PARD3B: variants seen among roughly 807,000 people sequenced by gnomAD.
PARD3B encodes the protein partitioning defective 3 homolog B.
In PARD3B, 103 loss-of-function variants were observed where a neutral mutation model predicts 130.2. The ratio of observed to expected loss-of-function variants is 0.79; its 90% CI spans 0.67 to 0.93. The LOEUF is 0.93. Among genes scored for constraint, PARD3B ranks in the 40% least tolerant of loss-of-function variants. The probability of loss-of-function intolerance (pLI) is 0.00; values close to 1 mark genes in which losing one functional copy is unlikely to be tolerated. For missense variants in PARD3B, 1,609 were observed against 1,499.2 expected (o/e 1.07, Z -1.21); for synonymous variants, 583 against 553.2 (o/e 1.05, Z -0.76).
Position 205,176,300 on chromosome 2 carries a change from C to A in PARD3B, c.1792-145C>A. ...TCAAAGATGTTTTCACTGATAGGGC[C>A]ATTTTGAGTTTCCACAGTTGAGGAC... is the stretch of plus-strand genomic sequence containing the variant. On this transcript the variant is annotated intron_variant, in intron 12 of 22. Transcript: ENST00000406610. This position sits in a 1 kb window ranked among gnomAD's most constrained non-coding sequence, Gnocchi z 5.3. 1.4e-6 allele frequency: 1 copy of A among 695,694 alleles called. No homozygotes were observed. The highest frequency in any genetic ancestry group is 2.2e-6 in the Non-Finnish European group (1 of 449,978). 43.1% of individuals were successfully genotyped at this position (695,694 alleles called of 1,614,324 possible). A position where few individuals can be genotyped will look rare whatever the true frequency, so the allele number is the denominator to read the frequency against.
intron 1 of PARD3B, among the ~76,000 whole-genome samples, chr2:204,630,245 G>C (rs959777099): frequency 1.3e-5 from 2 of 152,084 alleles, no homozygotes; most frequent in African/African-American, 4.8e-5. Context: ...GAAATGCAAG[G>C]GTCAGGGCAA....
intron 1 of PARD3B, among the ~76,000 whole-genome samples, chr2:204,654,219 C>A (rs1259568196): frequency 6.6e-6 from 1 of 151,144 alleles, no homozygotes; most frequent in Non-Finnish European, 1.5e-5. Context: ...CATCTAATAC[C>A]TTTCATATAA....
intron 4 of PARD3B, among the ~76,000 whole-genome samples, chr2:205,075,420 A>G (rs987902157): frequency 1.3e-4 from 20 of 152,128 alleles, no homozygotes; most frequent in African/African-American, 4.8e-4. Context: ...TATGTTTACA[A>G]TTAATATATA....
At chr2:204,797,908 G>T (rs1382081858) in intron 2 of PARD3B, among the ~76,000 whole-genome samples, 2 of 152,080 alleles carry the variant, frequency 1.3e-5, no homozygotes, top group Non-Finnish European at 2.9e-5. Flanking sequence ...AAATGCTAAG[G>T]ATGCCATTTT....
chr2:204,841,960 A>C (rs1239422170), intron 2 of PARD3B, among the ~76,000 whole-genome samples: 4 of 152,180 alleles, frequency 2.6e-5, no homozygotes, highest in Non-Finnish European at 2.9e-5. Flanking sequence ...AACTCAATTT[A>C]GATGAGTTCA....
At chr2:205,295,131 C>T (rs969281148) in intron 16 of PARD3B, among the ~76,000 whole-genome samples, 3 of 152,054 alleles carry the variant, frequency 2.0e-5, no homozygotes, top group African/African-American at 7.2e-5. Context: ...AATGAAAAGA[C>T]AAAGTGAAAT....
intron 1 of PARD3B, among the ~76,000 whole-genome samples, chr2:204,601,387 G>A (rs2033505451): frequency 6.6e-6 from 1 of 151,844 alleles, no homozygotes. Context: ...CAGTGGTTAG[G>A]TCTTACATGT....
intron 21 of PARD3B, among the ~76,000 whole-genome samples, chr2:205,519,123 C>T (rs551660998): frequency 2.0e-5 from 3 of 152,106 alleles, no homozygotes; most frequent in African/African-American, 4.8e-5. Context: ...TGAGTTTGAC[C>T]GTTGGCCTGT....
chr2:204,658,209 A>G (rs547841919), intron 1 of PARD3B, among the ~76,000 whole-genome samples: 3 of 152,346 alleles, frequency 2.0e-5, no homozygotes, highest in Admixed American at 1.3e-4. Flanking sequence ...AGTTAAAAAA[A>G]AAATCTATCT....
intron 18 of PARD3B, among the ~76,000 whole-genome samples, chr2:205,344,194 T>TTGTGTTTGTGTGTGTGTGTGTGTGTG (rs148707708): frequency 2.1e-5 from 3 of 140,954 alleles, no homozygotes; most frequent in African/African-American, 7.8e-5. Context: ...GTCAGTTGGT[T>TTGTGTTTGTGTGTGTGTGTGTGTGTG]TGTGTGTGTG....
At chr2:204,877,029 A>G (rs1398222219) in intron 2 of PARD3B, among the ~76,000 whole-genome samples, 4 of 152,272 alleles carry the variant, frequency 2.6e-5, no homozygotes, top group African/African-American at 7.2e-5. Flanking sequence ...ATCTTCCTCA[A>G]TGGCACATAT....
chr2:204,948,903 A>G (rs907218038), intron 2 of PARD3B, among the ~76,000 whole-genome samples: 2 of 151,954 alleles, frequency 1.3e-5, no homozygotes, highest in Non-Finnish European at 2.9e-5. Flanking sequence ...TTTTTTTCCT[A>G]TACAAACAAA....
chr2:204,863,479 T>C (rs553888548), intron 2 of PARD3B, among the ~76,000 whole-genome samples: 1 of 152,280 alleles, frequency 6.6e-6, no homozygotes, highest in East Asian at 1.9e-4. Context: ...ATTTCAGCTC[T>C]TTTCCCATAG....
chr2:205,482,335 AG>A (rs1163494686), intron 20 of PARD3B, among the ~76,000 whole-genome samples: 27 of 152,262 alleles, frequency 1.8e-4, no homozygotes, highest in Admixed American at 1.8e-3. Context: ...AGTCCAGCAG[AG>A]GTTAGGGAGA....
At chr2:205,220,267 T>C (rs1330539332) in intron 15 of PARD3B, among the ~76,000 whole-genome samples, 2 of 152,184 alleles carry the variant, frequency 1.3e-5, no homozygotes, top group East Asian at 3.9e-4. Flanking sequence ...AGATTCTCTA[T>C]GACTGGCCCC....
chr2:205,581,618 C>T (rs1404531871), intron 22 of PARD3B, among the ~76,000 whole-genome samples: 2 of 150,458 alleles, frequency 1.3e-5, no homozygotes, highest in African/African-American at 4.9e-5. Context: ...CGGAATGTTC[C>T]TAACACAAAG....
intron 2 of PARD3B, among the ~76,000 whole-genome samples, chr2:204,876,989 G>T (rs2045869212): frequency 6.6e-6 from 1 of 152,094 alleles, no homozygotes; most frequent in Non-Finnish European, 1.5e-5. Context: ...GATCCCTGAG[G>T]AATCGCCACA....
In PARD3B at chr2:205,091,677, G is replaced by T. The variant is rs1000763384; in HGVS notation, c.505-12749G>T. ...TTCTTATCTTACACTTGGAATGGGGGTGAGGTTAGAGAAAGAATAGCAGTG... is the reference window on the plus strand; with the variant it reads ...TTCTTATCTTACACTTGGAATGGGGTTGAGGTTAGAGAAAGAATAGCAGTG... On this transcript the variant is annotated intron_variant, in intron 4 of 22. Transcript: ENST00000406610. The surrounding 1 kb of genome is among the most constrained non-coding windows in gnomAD (Gnocchi z 4.2). Among the ~76,000 whole-genome samples the T allele has an allele frequency of 6.6e-6, 1 of 152,146 alleles. No individual in the cohort carries two copies. The highest frequency in any genetic ancestry group is 2.4e-5 in the African/African-American group (1 of 41,436).
At chr2:204,965,996 T>G (rs1477838678) in intron 3 of PARD3B, among the ~76,000 whole-genome samples, 1 of 152,186 alleles carries the variant, frequency 6.6e-6, no homozygotes, top group Non-Finnish European at 1.5e-5. Flanking sequence ...TATCTTGGTA[T>G]TTCAAACAAC....
Sources: gnomAD v4.1 joint callset for allele counts (sites outside exome capture counted in the v4.1 genomes callset) on GRCh38, gnomAD v4.1.1 for gene constraint, Gnocchi (gnomAD v3.1) non-coding constraint, MANE v1.5 for transcripts, NCBI Gene and HGNC (gene_info 2026-07-23, HGNC 2026-07-21) for gene names.